Variants in BPIFB4 observed in about 807,000 individuals in gnomAD.
The protein encoded by BPIFB4 is BPI fold-containing family B member 4.
Under a neutral mutation model 69.2 loss-of-function variants are expected in BPIFB4, and 62 were observed. The ratio of observed to expected loss-of-function variants is 0.90; its 90% CI spans 0.73 to 1.11. The LOEUF (loss-of-function observed/expected upper bound fraction) is 1.11. Ranked by LOEUF, BPIFB4 falls within the 50% of genes least tolerant of loss-of-function variation. The pLI, the probability that BPIFB4 is intolerant of heterozygous loss-of-function variation, is 0.00. For synonymous variants in BPIFB4, 330 were observed against 332.7 expected, an observed-to-expected ratio of 0.99 and a Z score of 0.09; for missense variants, 789 against 792.0, an observed-to-expected ratio of 1.00 and a Z score of 0.04.
intron 15 of BPIFB4, 107 bp downstream of exon 15, chr20:33,103,121 T>G: frequency 7.7e-7 from 1 of 1,306,830 alleles, no homozygotes; most frequent in East Asian, 2.3e-5. Flanking sequence ...GGGGAGTTTG[T>G]GAATTCCAAA....
intron 6 of BPIFB4, 39 bp downstream of exon 6, chr20:33,085,035 A>C: frequency 6.3e-7 from 1 of 1,592,528 alleles, no homozygotes; most frequent in Non-Finnish European, 8.5e-7. Context: ...CCACCACCCT[A>C]TGGCCCAACC....
chr20:33,111,543 A>G lies in BPIFB4; in HGVS notation c.*106A>G. On this transcript the variant is annotated 3_prime_UTR_variant, in exon 18 of 18. Transcript: ENST00000375483. Reference sequence around the variant, plus strand: ...GCCCAGAGTCCCCTCAGCCTCCATGACAGGTCCCTCCCTGGCCCCCCAACC... The same window carrying G: ...GCCCAGAGTCCCCTCAGCCTCCATGGCAGGTCCCTCCCTGGCCCCCCAACC... 7.0e-7 allele frequency: 1 copy of G among 1,420,202 alleles called. No individual in the cohort carries two copies. Among genetic ancestry groups the G allele is most frequent in the African/African-American group, 1.4e-5 (1 of 70,912 alleles). The allele number at this position is 1,420,202 out of a possible 1,614,324, so 88.0% of individuals were successfully genotyped here.
rs200862295 is a variant in BPIFB4, at chr20:33,097,647, C to T, written c.1429C>T (p.Leu477Phe). The T allele has an allele frequency of 5.1e-5, 82 of 1,614,038 alleles. No individual in the cohort carries two copies. The highest frequency in any genetic ancestry group is 2.9e-5 in the Non-Finnish European group (34 of 1,179,982). ...CCAGCAGTACCCCGAGTCCTGCCCA[C>T]TTATCATCAGGATCCAGGTGCTGAA... ...VFQQYPESCP[L>F]IIRIQVLNPP... is the part of the protein sequence containing the mutation. Residue 477 changes from leucine to phenylalanine, a missense_variant, in exon 13 of 18, where the codon CTT becomes TTT. Physicochemically the swap from Leu to Phe is conservative, Grantham distance 22 (BLOSUM62 0). This residue lies in a region of BPIFB4 where 170 missense variants were observed against 193.6 expected (regional missense o/e 0.88). Transcript: ENST00000375483.
rs1329132884 is a variant in BPIFB4 at position 33,083,599 on chromosome 20, G to C, written c.402G>C (p.Arg134Ser). The change falls in exon 5 of 18, where the codon AGG becomes AGC. Residue 134 changes from arginine to serine, a missense_variant. This residue lies in a region of BPIFB4 where 611 missense variants were observed against 575.4 expected (regional missense o/e 1.06). Transcript: ENST00000375483. Reference protein sequence around the residue: ...RSAENAYGGHRGLGRYRAAPV... With the variant: ...RSAENAYGGHSGLGRYRAAPV... ...CCGAGAATGCATATGGAGGCCACAG[G>C]GGCCTCGGGCGATACAGGGCAGCAC... 1.2e-6 allele frequency: 2 copies of C among 1,613,922 alleles called. No individual in the cohort carries two copies. Among genetic ancestry groups the C allele is most frequent in the Non-Finnish European group, 1.7e-6 (2 of 1,179,988 alleles).
At chr20:33,087,582 A>G (rs1981466682) in intron 7 of BPIFB4, among the ~76,000 whole-genome samples, 2 of 152,154 alleles carry the variant, frequency 1.3e-5, no homozygotes, top group African/African-American at 4.8e-5. Flanking sequence ...GTGTCCTGAC[A>G]AGTAAGGTCA....
At chr20:33,105,354 G>A (rs553266369) in intron 16 of BPIFB4, among the ~76,000 whole-genome samples, 5 of 152,238 alleles carry the variant, frequency 3.3e-5, no homozygotes, top group South Asian at 2.1e-4. Context: ...TTCCATTGGC[G>A]CAGATACAGC....
rs117005991 is a variant in BPIFB4 at position 33,085,736 on chromosome 20, C to T, written c.783-285C>T. On this transcript the variant is annotated intron_variant, in intron 6 of 17. Coordinates refer to ENST00000375483, the MANE Select transcript of BPIFB4 (RefSeq NM_182519.3). ...GTGGGCTTCTGTGTGGACTTATCCC[C>T]GTGGGATGAGGTCGTGTCCACCAAG... Among the ~76,000 whole-genome samples, 551 of 152,268 alleles carry T rather than the reference C, an allele frequency of 3.6e-3. 5 individuals are homozygous for T. The highest frequency in any genetic ancestry group is 0.014 in the East Asian group (74 of 5,174).
At chr20:33,096,187 AC>A (rs1407858185) in intron 12 of BPIFB4, among the ~76,000 whole-genome samples, 26 of 151,984 alleles carry the variant, frequency 1.7e-4, no homozygotes, top group Non-Finnish European at 7.4e-5. Flanking sequence ...CAGCAGGTGG[AC>A]CCCTCAATCA....
At chr20:33,091,831 G>A (rs1024568025) in intron 10 of BPIFB4, among the ~76,000 whole-genome samples, 9 of 152,244 alleles carry the variant, frequency 5.9e-5, no homozygotes, top group East Asian at 1.9e-4. Flanking sequence ...TCATGAGCAC[G>A]GTGATCAAGG....
chr20:33,110,815 T>A (rs1982216361), intron 17 of BPIFB4, among the ~76,000 whole-genome samples: 1 of 144,964 alleles, frequency 6.9e-6, no homozygotes, highest in Non-Finnish European at 1.5e-5. Context: ...TTGTTGAAGT[T>A]TTTTTTTTTT....
rs148031628 is a variant in BPIFB4, at chr20:33,102,039, G to A, written c.1638-933G>A. On this transcript the variant is annotated intron_variant, in intron 14 of 17. Transcript: ENST00000375483. Reference sequence around the variant, plus strand: ...ATATAGTGCACATCAGAGACATCCAGGAGTTCCCAAGGAGGCAAGATTCAG... The same window carrying A: ...ATATAGTGCACATCAGAGACATCCAAGAGTTCCCAAGGAGGCAAGATTCAG... 2.8e-4 allele frequency among the ~76,000 whole-genome samples: 43 copies of A among 152,312 alleles called. No individual in the cohort carries two copies. The East Asian group carries it at 7.7e-3, about 27-fold the overall frequency.
chr20:33,098,470 C>T (rs1210454451), intron 13 of BPIFB4, among the ~76,000 whole-genome samples: 1 of 152,112 alleles, frequency 6.6e-6, no homozygotes, highest in Non-Finnish European at 1.5e-5. Context: ...CATGGCCAGG[C>T]ATGGTGGCTC....
chr20:33,098,460 C>A (rs562084161), intron 13 of BPIFB4, among the ~76,000 whole-genome samples: 1 of 152,152 alleles, frequency 6.6e-6, no homozygotes, highest in East Asian at 1.9e-4. Flanking sequence ...AAATGTGAAC[C>A]ATGGCCAGGC....
chr20:33,085,686 G>C (rs1322114018), intron 6 of BPIFB4, among the ~76,000 whole-genome samples: 3 of 152,198 alleles, frequency 2.0e-5, no homozygotes, highest in African/African-American at 7.2e-5. Flanking sequence ...CCATGCACTA[G>C]GTGCTGACTA....
Position 33,101,407 on chromosome 20 carries a change from T to A in BPIFB4, c.1637+914T>A, listed in dbSNP as rs1466468607. On this transcript the variant is annotated intron_variant, in intron 14 of 17. Transcript: ENST00000375483. ...ACTGTGTGATATTGGCCAACCAACT[T>A]CACTCTGAGCCTCAGTTTTCTCATC... Among the ~76,000 whole-genome samples the A allele has an allele frequency of 5.9e-5, 9 of 152,298 alleles. No individual in the cohort carries two copies. In the East Asian group the frequency reaches 1.7e-3, roughly 29 times the overall value.
intron 14 of BPIFB4, among the ~76,000 whole-genome samples, chr20:33,102,744 A>C (rs1981940146): frequency 6.6e-6 from 1 of 152,230 alleles, no homozygotes; most frequent in South Asian, 2.1e-4. Flanking sequence ...GTAGGTGGCA[A>C]AGCTATGATT....
At chr20:33,103,120 G>C in intron 15 of BPIFB4, 106 bp downstream of exon 15, 1 of 1,313,200 alleles carries the variant, frequency 7.6e-7, no homozygotes, top group Non-Finnish European at 1.1e-6. Context: ...TGGGGAGTTT[G>C]TGAATTCCAA....
chr20:33,100,397 G>A, intron 13 of BPIFB4, 29 bp from the exon 14 acceptor site: 1 of 1,549,100 alleles, frequency 6.5e-7, no homozygotes. Flanking sequence ...TGAAGGCAGT[G>A]ACGTCTTTCT....
At chr20:33,094,574 T>C (rs1981703744) in intron 11 of BPIFB4, among the ~76,000 whole-genome samples, 2 of 152,056 alleles carry the variant, frequency 1.3e-5, no homozygotes, top group Admixed American at 6.6e-5. Context: ...TGTTGTGATG[T>C]TGGCTCACTG....
Sources: gnomAD v4.1 joint callset for allele counts (sites outside exome capture counted in the v4.1 genomes callset) on GRCh38, gnomAD v4.1.1 for gene constraint, gnomAD v4.1.1 regional missense constraint, MANE v1.5 for transcripts, NCBI Gene and HGNC (gene_info 2026-07-23, HGNC 2026-07-21) for gene names.